NIBAN1: variants seen among roughly 807,000 people sequenced by gnomAD.
The protein encoded by NIBAN1 is protein Niban 1.
A neutral mutation model predicts 75.1 loss-of-function variants in NIBAN1; 81 were observed. That is an observed-to-expected ratio of 1.08 (90% CI 0.90 to 1.30). NIBAN1 has a LOEUF of 1.30. NIBAN1 is among the 50% of genes most tolerant of loss of function. NIBAN1 has a pLI of 0.00. For synonymous variants in NIBAN1, 436 were observed against 424.8 expected, an observed-to-expected ratio of 1.03 and a Z score of -0.32; for missense variants, 1,133 against 1,128.1, an observed-to-expected ratio of 1.00 and a Z score of -0.06.
chr1:184,841,186 A>G (rs918498146), intron 5 of NIBAN1, among the ~76,000 whole-genome samples: 1 of 152,184 alleles, frequency 6.6e-6, no homozygotes, highest in African/African-American at 2.4e-5. Flanking sequence ...ATAAGTAAAC[A>G]ATATGTGCCT....
chr1:184,931,359 C>T (rs746440376), intron 1 of NIBAN1, among the ~76,000 whole-genome samples: 18 of 152,312 alleles, frequency 1.2e-4, no homozygotes, highest in Middle Eastern at 6.8e-3. Context: ...TTATAACTGG[C>T]TTCCACTAGT....
At chr1:184,911,485 AC>A (rs548303687) in intron 1 of NIBAN1, among the ~76,000 whole-genome samples, 2 of 152,128 alleles carry the variant, frequency 1.3e-5, no homozygotes, top group African/African-American at 2.4e-5. Flanking sequence ...TTATATGAGT[AC>A]CCCCTCCCTT....
At chr1:184,954,533 A>G (rs1364321821) in intron 1 of NIBAN1, among the ~76,000 whole-genome samples, 1 of 152,208 alleles carries the variant, frequency 6.6e-6, no homozygotes, top group East Asian at 1.9e-4. Flanking sequence ...GGAGTCAAGC[A>G]CGAGCCTGTC....
chr1:184,951,621 C>G (rs182353563), intron 1 of NIBAN1, among the ~76,000 whole-genome samples: 7 of 152,170 alleles, frequency 4.6e-5, no homozygotes, highest in African/African-American at 1.4e-4. Flanking sequence ...CCAGCTACCC[C>G]CTAGTCCACA....
chr1:184,935,838 C>A (rs977084194), intron 1 of NIBAN1, among the ~76,000 whole-genome samples: 21 of 150,090 alleles, frequency 1.4e-4, no homozygotes, highest in African/African-American at 5.1e-4. Flanking sequence ...GAAAACCAAT[C>A]CTTTTCCAGG....
At position 184,924,990 on chromosome 1, in the gene NIBAN1, T is replaced by C. The variant is rs74360317; in HGVS notation, c.56-25681A>G. Reference sequence around the variant, plus strand: ...ACCCCACTTTTTGTTTCATTGATCTTTTGTATTGTTTTTTCATTTCCATTT... The same window carrying C: ...ACCCCACTTTTTGTTTCATTGATCTCTTGTATTGTTTTTTCATTTCCATTT... On this transcript the variant is annotated intron_variant, in intron 1 of 13. Transcript: ENST00000367511. 3.7e-3 allele frequency among the ~76,000 whole-genome samples: 564 copies of C among 152,232 alleles called. 6 individuals carry two copies. Among genetic ancestry groups the C allele is most frequent in the South Asian group, 0.027 (129 of 4,822 alleles).
chr1:184,831,543 T>C (rs1390301997), intron 6 of NIBAN1, among the ~76,000 whole-genome samples: 1 of 152,240 alleles, frequency 6.6e-6, no homozygotes, highest in Non-Finnish European at 1.5e-5. Context: ...CACTTGATTC[T>C]AGTCTGGAAG....
In NIBAN1 at chr1:184,833,856, C is replaced by CT. The variant is rs200105947; in HGVS notation, c.602-1895dup. ...AATCAAGGTTTTTTGAAAATTTTTT[C>CT]TTTTTTTTTTTTTCGATTATACTTT... On this transcript the variant is annotated intron_variant, in intron 5 of 13. Transcript: ENST00000367511. 6.7e-3 allele frequency among the ~76,000 whole-genome samples: 922 copies of CT among 137,728 alleles called. 8 individuals carry two copies. Among genetic ancestry groups the CT allele is most frequent in the East Asian group, 0.041 (194 of 4,766 alleles). The allele number at this position is 137,728 out of a possible 152,430, so 90.4% of individuals were successfully genotyped here.
At position 184,866,942 on chromosome 1, in the gene NIBAN1, A is replaced by C. The variant is rs184973522; in HGVS notation, c.601+17691T>G. ...GTTTTGCACCCCTTTCATCTAATCA[A>C]AATTCAAAATTTCTTCCCCCTTCTA... On this transcript the variant is annotated intron_variant, in intron 5 of 13. Transcript: ENST00000367511. Among the ~76,000 whole-genome samples the C allele has an allele frequency of 5.3e-3, 800 of 152,286 alleles. 7 individuals are homozygous for C. Among genetic ancestry groups the C allele is most frequent in the Non-Finnish European group, 6.8e-3 (463 of 68,028 alleles).
At chr1:184,925,935 A>G (rs1319679705) in intron 1 of NIBAN1, among the ~76,000 whole-genome samples, 2 of 151,850 alleles carry the variant, frequency 1.3e-5, no homozygotes, top group African/African-American at 4.8e-5. Context: ...TGAGTTTTGA[A>G]CCTCCCAATG....
intron 1 of NIBAN1, among the ~76,000 whole-genome samples, chr1:184,904,534 C>T (rs1442698962): frequency 6.6e-6 from 1 of 152,186 alleles, no homozygotes; most frequent in Non-Finnish European, 1.5e-5. Context: ...TCCTTCTCTC[C>T]CATTCCCAGA....
At chr1:184,920,520 C>G (rs1657501298) in intron 1 of NIBAN1, among the ~76,000 whole-genome samples, 2 of 152,072 alleles carry the variant, frequency 1.3e-5, no homozygotes, top group South Asian at 4.1e-4. Context: ...ATCCTTTAAC[C>G]AACCTCTCCC....
intron 1 of NIBAN1, among the ~76,000 whole-genome samples, chr1:184,951,754 T>A (rs1209561176): frequency 6.6e-6 from 1 of 152,036 alleles, no homozygotes; most frequent in Non-Finnish European, 1.5e-5. Context: ...ATGGCGTTCC[T>A]CTCCTCGAAA....
At chr1:184,812,202 G>C (rs1274595890) in intron 9 of NIBAN1, among the ~76,000 whole-genome samples, 2 of 152,126 alleles carry the variant, frequency 1.3e-5, no homozygotes, top group East Asian at 3.9e-4. Flanking sequence ...ATCTTGCCCA[G>C]AGACCACAAG....
At chr1:184,863,266 C>G (rs568083435) in intron 5 of NIBAN1, among the ~76,000 whole-genome samples, 1 of 152,276 alleles carries the variant, frequency 6.6e-6, no homozygotes, top group Non-Finnish European at 1.5e-5. Context: ...ATTCTTAGGA[C>G]AACAAGAAGA....
chr1:184,945,212 G>T (rs1658190937), intron 1 of NIBAN1, among the ~76,000 whole-genome samples: 1 of 152,218 alleles, frequency 6.6e-6, no homozygotes, highest in South Asian at 2.1e-4. Flanking sequence ...GAGAGAGGAA[G>T]TAACCAGGGG....
intron 1 of NIBAN1, among the ~76,000 whole-genome samples, chr1:184,907,926 G>A (rs1657145182): frequency 6.6e-6 from 1 of 152,150 alleles, no homozygotes; most frequent in Non-Finnish European, 1.5e-5. Flanking sequence ...TAAGTTCTCT[G>A]TGATTTACTT....
intron 1 of NIBAN1, among the ~76,000 whole-genome samples, chr1:184,957,113 A>G (rs1021136299): frequency 5.9e-5 from 9 of 152,216 alleles, no homozygotes; most frequent in Admixed American, 5.2e-4. Context: ...CAAGCTATCA[A>G]TGTGATATCA....
intron 1 of NIBAN1, among the ~76,000 whole-genome samples, chr1:184,923,762 G>A (rs1657616095): frequency 6.6e-6 from 1 of 152,036 alleles, no homozygotes; most frequent in Non-Finnish European, 1.5e-5. Flanking sequence ...GTGTTTTATA[G>A]TTATCATTGT....
Sources: gnomAD v4.1 joint callset for allele counts (sites outside exome capture counted in the v4.1 genomes callset) on GRCh38, gnomAD v4.1.1 for gene constraint, MANE v1.5 for transcripts, NCBI Gene and HGNC (gene_info 2026-07-23, HGNC 2026-07-21) for gene names.